Variants in DPP10 observed in about 807,000 individuals in gnomAD.
The protein encoded by DPP10 is inactive dipeptidyl peptidase 10.
DPP10 carries 33 observed loss-of-function variants against 120.9 expected under a neutral mutation model. The ratio of observed to expected loss-of-function variants is 0.27; its 90% CI spans 0.21 to 0.37. DPP10 has a LOEUF of 0.37. Among genes scored for constraint, DPP10 ranks in the 10% least tolerant of loss-of-function variants. DPP10 has a pLI of 1.00. For synonymous variants in DPP10, 337 were observed against 326.1 expected (o/e 1.03, Z -0.36); for missense variants, 816 against 942.8 (o/e 0.87, Z 1.76).
intron 1 of DPP10, among the ~76,000 whole-genome samples, chr2:114,544,046 G>GA (rs1225036455): frequency 6.6e-6 from 1 of 151,444 alleles, no homozygotes; most frequent in East Asian, 1.9e-4. Context: ...AAAAAAAAAA[G>GA]AAAAAATCCT....
At chr2:115,381,865 GGGGGTCA>G (rs2066398397) in intron 3 of DPP10, among the ~76,000 whole-genome samples, 1 of 150,792 alleles carries the variant, frequency 6.6e-6, no homozygotes, top group African/African-American at 2.4e-5. Context: ...TAGGCTTCTC[GGGGGTCA>G]GGGGTCAGGG....
chr2:114,912,322 A>G (rs1694428471), intron 1 of DPP10, among the ~76,000 whole-genome samples: 1 of 152,190 alleles, frequency 6.6e-6, no homozygotes, highest in South Asian at 2.1e-4. Context: ...TTCCACATCT[A>G]CTATACAGAT....
At chr2:114,713,762 G>A (rs2105876407) in intron 1 of DPP10, among the ~76,000 whole-genome samples, 2 of 152,154 alleles carry the variant, frequency 1.3e-5, no homozygotes, top group South Asian at 4.1e-4. Context: ...AGGCAGAGGT[G>A]GGCGGATCAC....
chr2:114,724,589 A>G (rs1174522644), intron 1 of DPP10, among the ~76,000 whole-genome samples: 2 of 152,220 alleles, frequency 1.3e-5, no homozygotes, highest in Non-Finnish European at 2.9e-5. Flanking sequence ...GGGTAAACAT[A>G]TATGTAACAT....
At chr2:114,999,652 G>C (rs1701312484) in intron 1 of DPP10, among the ~76,000 whole-genome samples, 2 of 152,038 alleles carry the variant, frequency 1.3e-5, no homozygotes, top group African/African-American at 4.8e-5. Context: ...GCCATCTTGA[G>C]ACACCCTTGT....
At chr2:115,064,479 CAG>C (rs1403489242) in intron 1 of DPP10, 2 of 270,998 alleles carry the variant, frequency 7.4e-6, no homozygotes, top group Admixed American at 8.1e-5. Flanking sequence ...CCAAAGGAGA[CAG>C]AGAGGATAAT....
chr2:115,603,570 G>GTTGTT (rs1553459828), intron 5 of DPP10, among the ~76,000 whole-genome samples: 5 of 99,294 alleles, frequency 5.0e-5, no homozygotes, highest in South Asian at 3.7e-4. Context: ...GTTTTTTTTT[G>GTTGTT]TTTTTTTTTT....
At chr2:114,947,414 A>T (rs1697449138) in intron 1 of DPP10, among the ~76,000 whole-genome samples, 1 of 151,444 alleles carries the variant, frequency 6.6e-6, no homozygotes, top group Non-Finnish European at 1.5e-5. Flanking sequence ...TTATAAAATT[A>T]TTTGAGAGTC....
chr2:115,829,058 T>C (rs556161187), intron 21 of DPP10, among the ~76,000 whole-genome samples: 1 of 152,274 alleles, frequency 6.6e-6, no homozygotes, highest in East Asian at 1.9e-4. Context: ...AAAACTGAAG[T>C]TCTAAAACTT....
At chr2:115,389,722 C>T (rs1371456155) in intron 3 of DPP10, among the ~76,000 whole-genome samples, 3 of 152,040 alleles carry the variant, frequency 2.0e-5, no homozygotes, top group South Asian at 2.1e-4. Flanking sequence ...CAACCTAATG[C>T]GTGAGGCATT....
At chr2:114,894,294 T>C (rs963520623) in intron 1 of DPP10, among the ~76,000 whole-genome samples, 1 of 152,192 alleles carries the variant, frequency 6.6e-6, no homozygotes, top group Non-Finnish European at 1.5e-5. Flanking sequence ...TTCGTAACTC[T>C]GGTAACAATT....
At chr2:114,613,465 A>G (rs574862536) in intron 1 of DPP10, among the ~76,000 whole-genome samples, 4 of 152,282 alleles carry the variant, frequency 2.6e-5, no homozygotes, top group African/African-American at 7.2e-5. Flanking sequence ...TCAAGAAACA[A>G]CAGATGCTGG....
At chr2:115,158,284 C>G (rs1157942612) in intron 1 of DPP10, among the ~76,000 whole-genome samples, 1 of 152,170 alleles carries the variant, frequency 6.6e-6, no homozygotes, top group African/African-American at 2.4e-5. Flanking sequence ...AATTTCATAA[C>G]CCGTCCTCAA....
chr2:114,516,140 C>G (rs1011030146), intron 1 of DPP10, among the ~76,000 whole-genome samples: 4 of 152,192 alleles, frequency 2.6e-5, no homozygotes, highest in Non-Finnish European at 4.4e-5. Flanking sequence ...GCAGATGTTA[C>G]TGGCTCAGCA....
rs373106454 is a variant in DPP10, at chr2:115,328,586, A to C, written c.176-15231A>C. Among the ~76,000 whole-genome samples, 48 of 152,212 alleles carry C rather than the reference A, an allele frequency of 3.2e-4. 1 individual carries two copies. In the East Asian group the frequency reaches 4.7e-3, roughly 15 times the overall value. On this transcript the variant is annotated intron_variant, in intron 2 of 25. Transcript: ENST00000410059. The stretch of plus-strand genomic sequence containing the variant: ...TTGAGAATCCTAAGAGATGCAAGCT[A>C]GTTTGCAGCTCATCATGTGTGTTTG...
Position 115,711,915 on chromosome 2 carries a change from G to GTTTTTTTTTTTTTTTTT in DPP10, c.577-15901_577-15900insTTTTTTTTTTTTTTTTT, listed in dbSNP as rs1491280011. 4.1e-5 allele frequency among the ~76,000 whole-genome samples: 4 copies of GTTTTTTTTTTTTTTTTT among 96,986 alleles called. 2 individuals are homozygous for GTTTTTTTTTTTTTTTTT. Among genetic ancestry groups the GTTTTTTTTTTTTTTTTT allele is most frequent in the Non-Finnish European group, 7.9e-5 (4 of 50,822 alleles). 63.6% of individuals were successfully genotyped at this position (96,986 alleles called of 152,430 possible). A position where few individuals can be genotyped will look rare whatever the true frequency, so the allele number is the denominator to read the frequency against. On this transcript the variant is annotated intron_variant, in intron 7 of 25. Coordinates refer to ENST00000410059, the MANE Select transcript of DPP10 (RefSeq NM_020868.6). ...GAATATTGGACCTATAAAATGGTCT[G>GTTTTTTTTTTTTTTTTT]GTTTTTTTTTTTTTTTTTTTTTTGG...
rs537115013 is a variant in DPP10, at chr2:114,656,177, A to T, written c.60+213339A>T. Among the ~76,000 whole-genome samples, 3 of 152,316 alleles carry T rather than the reference A, an allele frequency of 2.0e-5. No homozygotes were observed. The South Asian group carries it at 6.2e-4, about 32-fold the overall frequency. ...AGTCCATTGAGCTAGTCAAAAATTT[A>T]TAATTGCAAAAACTTTGGCCAAATT... On this transcript the variant is annotated intron_variant, in intron 1 of 25. Transcript: ENST00000410059.
intron 1 of DPP10, chr2:115,161,997 C>G: frequency 7.2e-7 from 1 of 1,383,242 alleles, no homozygotes; most frequent in Non-Finnish European, 9.3e-7. Flanking sequence ...ACCCCGGGGG[C>G]CAGGGCGAGC....
intron 10 of DPP10, among the ~76,000 whole-genome samples, chr2:115,750,728 G>A (rs769247503): frequency 1.3e-5 from 2 of 152,062 alleles, no homozygotes; most frequent in Non-Finnish European, 2.9e-5. Flanking sequence ...CACCACATTT[G>A]TACTCGTTGG....
Sources: gnomAD v4.1 joint callset for allele counts (sites outside exome capture counted in the v4.1 genomes callset) on GRCh38, gnomAD v4.1.1 for gene constraint, MANE v1.5 for transcripts, NCBI Gene and HGNC (gene_info 2026-07-23, HGNC 2026-07-21) for gene names.